IFT88: variants seen among roughly 807,000 people sequenced by gnomAD.
The protein encoded by IFT88 is intraflagellar transport protein 88 homolog.
IFT88 carries 74 observed loss-of-function variants against 119.5 expected under a neutral mutation model. The observed-to-expected ratio is 0.62, with a 90% CI of 0.51 to 0.75. The LOEUF (loss-of-function observed/expected upper bound fraction) is 0.75, where lower values mean the gene tolerates loss of function less well. IFT88 is among the 30% of genes least tolerant of loss of function. The pLI is 0.00. For missense variants in IFT88, 961 were observed against 977.7 expected, an observed-to-expected ratio of 0.98 and a Z score of 0.23; for synonymous variants, 279 against 316.7, an observed-to-expected ratio of 0.88 and a Z score of 1.26.
At chr13:20,628,079 G>A (rs2047635518) in intron 15 of IFT88, among the ~76,000 whole-genome samples, 1 of 152,132 alleles carries the variant, frequency 6.6e-6, no homozygotes, top group Admixed American at 6.6e-5. Context: ...AAGTGAAAAA[G>A]GATTGGGTTG....
At chr13:20,648,049 C>T (rs916495955) in intron 20 of IFT88, among the ~76,000 whole-genome samples, 1 of 152,098 alleles carries the variant, frequency 6.6e-6, no homozygotes, top group African/African-American at 2.4e-5. Context: ...ATGTAAAGTC[C>T]TGAAATTTAA....
intron 24 of IFT88, among the ~76,000 whole-genome samples, chr13:20,679,241 T>C (rs2057048105): frequency 6.6e-6 from 1 of 152,228 alleles, no homozygotes; most frequent in African/African-American, 2.4e-5. Flanking sequence ...TCGGAGATCA[T>C]TGATTTGATT....
intron 3 of IFT88, among the ~76,000 whole-genome samples, chr13:20,583,351 T>C (rs1217769751): frequency 6.6e-6 from 1 of 152,230 alleles, no homozygotes; most frequent in Non-Finnish European, 1.5e-5. Flanking sequence ...ATTCACTTAG[T>C]ATAATGTCCT....
At chr13:20,679,396 CG>C (rs1555313522) in intron 24 of IFT88, among the ~76,000 whole-genome samples, 39 of 152,152 alleles carry the variant, frequency 2.6e-4, no homozygotes, top group Non-Finnish European at 2.9e-5. Flanking sequence ...CAGTCAATCC[CG>C]TAATGATTAA....
At position 20,601,690 on chromosome 13, in the gene IFT88, G is replaced by A; in HGVS notation, c.813-15G>A. 6.6e-7 allele frequency: 1 copy of A among 1,523,390 alleles called. No individual in the cohort carries two copies. The highest frequency in any genetic ancestry group is 9.1e-7 in the Non-Finnish European group (1 of 1,102,590). The allele number at this position is 1,523,390 out of a possible 1,614,324, so 94.4% of individuals were successfully genotyped here. A position where few individuals can be genotyped will look rare whatever the true frequency, so the allele number is the denominator to read the frequency against. ...GTTCAGAATTTTAAAGCTAATCCAT[G>A]TCTTTTTCTTTTAGGATTAAAATAA... On this transcript the variant is annotated splice_polypyrimidine_tract_variant and intron_variant, in intron 11 of 25. Transcript: ENST00000351808.
At chr13:20,625,604 A>G in intron 14 of IFT88, 146 bp from the exon 15 acceptor site, 1 of 521,544 alleles carries the variant, frequency 1.9e-6, no homozygotes, top group Non-Finnish European at 3.3e-6. Flanking sequence ...GTAACTGAAA[A>G]CCTGTGTTGG....
intron 24 of IFT88, among the ~76,000 whole-genome samples, chr13:20,685,736 C>T (rs200718880): frequency 6.6e-6 from 1 of 152,138 alleles, no homozygotes; most frequent in Non-Finnish European, 1.5e-5. Context: ...AGAAATTAAC[C>T]GGGCATGGTG....
intron 2 of IFT88, among the ~76,000 whole-genome samples, chr13:20,582,530 T>C (rs1001915779): frequency 6.6e-6 from 1 of 151,942 alleles, no homozygotes; most frequent in Non-Finnish European, 1.5e-5. Flanking sequence ...GTAGAAAATA[T>C]GGCCTTTTCT....
chr13:20,582,044 A>G (rs1379251895), intron 2 of IFT88, among the ~76,000 whole-genome samples: 1 of 151,894 alleles, frequency 6.6e-6, no homozygotes, highest in Admixed American at 6.6e-5. Flanking sequence ...AAAATAATTG[A>G]CAAGTGTGTA....
intron 17 of IFT88, among the ~76,000 whole-genome samples, chr13:20,640,024 A>G (rs1437260008): frequency 6.6e-6 from 1 of 151,818 alleles, no homozygotes; most frequent in Non-Finnish European, 1.5e-5. Context: ...TCCTGACCTC[A>G]AGTGATCCAC....
At chr13:20,632,159 T>C in intron 16 of IFT88, 1 of 143,994 alleles carries the variant, frequency 6.9e-6, no homozygotes, top group South Asian at 2.2e-4. Flanking sequence ...AAAAAAAAAA[T>C]TGTAGATTTT....
chr13:20,584,633 C>G (rs1170064052), intron 3 of IFT88, among the ~76,000 whole-genome samples: 2 of 151,804 alleles, frequency 1.3e-5, no homozygotes, highest in South Asian at 2.1e-4. Context: ...ATGTGTCATA[C>G]AAAGCATAGA....
At chr13:20,656,849 G>T (rs1042964785) in intron 22 of IFT88, among the ~76,000 whole-genome samples, 12 of 152,068 alleles carry the variant, frequency 7.9e-5, no homozygotes, top group African/African-American at 2.9e-4. Context: ...TAATAATCTT[G>T]CTGATACAAT....
chr13:20,679,319 A>G (rs2057054973), intron 24 of IFT88, among the ~76,000 whole-genome samples: 1 of 152,206 alleles, frequency 6.6e-6, no homozygotes, highest in Non-Finnish European at 1.5e-5. Flanking sequence ...CCAATTATTT[A>G]CATAGTCTGC....
At chr13:20,594,410 G>C (rs544406041) in intron 7 of IFT88, among the ~76,000 whole-genome samples, 1 of 152,262 alleles carries the variant, frequency 6.6e-6, no homozygotes, top group Admixed American at 6.5e-5. Context: ...AATGCTCGTG[G>C]CTGAACCAAA....
intron 14 of IFT88, among the ~76,000 whole-genome samples, 179 bp from the exon 15 acceptor site, chr13:20,625,571 G>A (rs2047165016): frequency 6.6e-6 from 1 of 152,132 alleles, no homozygotes; most frequent in Admixed American, 6.5e-5. Context: ...GATAAGAAAA[G>A]TAATTTAGAA....
intron 14 of IFT88, among the ~76,000 whole-genome samples, chr13:20,617,997 G>A (rs939694092): frequency 6.6e-6 from 1 of 152,072 alleles, no homozygotes; most frequent in African/African-American, 2.4e-5. Context: ...TGTTGGCTGG[G>A]CTGGTCTCGA....
In IFT88 at chr13:20,674,722, ATATTTTTTTTT is replaced by A. The variant is rs2056420135; in HGVS notation, c.2242+3685_2242+3695del. 2.1e-4 allele frequency among the ~76,000 whole-genome samples: 9 copies of A among 42,694 alleles called. No individual in the cohort carries two copies. The South Asian group carries it at 4.9e-3, about 23-fold the overall frequency. 28.0% of individuals were successfully genotyped at this position (42,694 alleles called of 152,430 possible). On this transcript the variant is annotated intron_variant, in intron 24 of 25. Coordinates refer to ENST00000351808, the MANE Select transcript of IFT88 (RefSeq NM_006531.5). ...AAGTTTTATATATATATATATATAT[ATATTTTTTTTT>A]TTTTTTTTTTTTGAGACAGAGTCTT...
intron 2 of IFT88, among the ~76,000 whole-genome samples, chr13:20,575,691 A>G (rs2138020940): frequency 6.6e-6 from 1 of 152,304 alleles, no homozygotes; most frequent in East Asian, 1.9e-4. Context: ...TCATGCTTGT[A>G]CAGCCTGCAG....
Sources: allele counts gnomAD v4.1 joint callset (sites outside exome capture counted in the v4.1 genomes callset), GRCh38; gene constraint gnomAD v4.1.1; transcripts MANE v1.5; gene names NCBI Gene and HGNC (gene_info 2026-07-23, HGNC 2026-07-21).